The following TMEM178B variants were observed in gnomAD, a reference collection of about 807,000 sequenced individuals.
The protein encoded by TMEM178B is transmembrane protein 178B.
TMEM178B carries 5 observed loss-of-function variants against 31.0 expected under a neutral mutation model. The observed-to-expected ratio is 0.16, with a 90% CI of 0.08 to 0.34. The LOEUF is 0.34. TMEM178B is among the 10% of genes least tolerant of loss of function. The pLI is 1.00. For synonymous variants in TMEM178B, 164 were observed against 164.0 expected, an observed-to-expected ratio of 1.00 and a Z score of 0.00; for missense variants, 275 against 400.3, an observed-to-expected ratio of 0.69 and a Z score of 2.67.
At chr7:141,419,331 A>G (rs1801158684) in intron 2 of TMEM178B, among the ~76,000 whole-genome samples, 1 of 152,222 alleles carries the variant, frequency 6.6e-6, no homozygotes. Flanking sequence ...CACCAAGGAT[A>G]TCATTTTCCC....
the TMEM178B span, among the ~76,000 whole-genome samples, chr7:141,489,349 C>T: frequency 6.6e-6 from 1 of 152,128 alleles, no homozygotes; most frequent in African/African-American, 2.4e-5. Context: ...CATTTTGCCC[C>T]CCTTTGTCCC....
At position 141,465,137 on chromosome 7, in the gene TMEM178B, G is replaced by A. The variant is rs73520433; in HGVS notation, c.635-5399G>A. Among the ~76,000 whole-genome samples, 1,471 of 152,302 alleles carry A rather than the reference G, an allele frequency of 9.7e-3. 21 individuals carry two copies. Among genetic ancestry groups the A allele is most frequent in the African/African-American group, 0.033 (1,376 of 41,552 alleles). ...GCCCCAGAGGCCATGGTCTGCTCCT[G>A]CTGGGGAGAGCAGGACTTTTATCTT... On this transcript the variant is annotated intron_variant, in intron 3 of 3. Transcript: ENST00000565468.
intron 1 of TMEM178B, among the ~76,000 whole-genome samples, chr7:141,094,748 T>C (rs1230739721): frequency 6.6e-6 from 1 of 152,188 alleles, no homozygotes. Flanking sequence ...TAATTAGAAT[T>C]TAGGGTGCTT....
At chr7:141,487,021 T>C in the TMEM178B span, among the ~76,000 whole-genome samples, 1 of 151,794 alleles carries the variant, frequency 6.6e-6, no homozygotes, top group Non-Finnish European at 1.5e-5. Context: ...GGGTCAGACT[T>C]TAGGAACACA....
chr7:141,139,991 C>CT (rs1420366066), intron 1 of TMEM178B, among the ~76,000 whole-genome samples: 1 of 152,132 alleles, frequency 6.6e-6, no homozygotes, highest in African/African-American at 2.4e-5. Flanking sequence ...GTCTTGAACT[C>CT]CCGACTTCAG....
At chr7:141,454,448 C>T (rs903464064) in intron 3 of TMEM178B, among the ~76,000 whole-genome samples, 1 of 152,204 alleles carries the variant, frequency 6.6e-6, no homozygotes, top group African/African-American at 2.4e-5. Context: ...CCCTTGCTCA[C>T]GTCTCCATGT....
At chr7:141,448,848 G>A (rs1801809981) in intron 3 of TMEM178B, among the ~76,000 whole-genome samples, 1 of 152,120 alleles carries the variant, frequency 6.6e-6, no homozygotes, top group South Asian at 2.1e-4. Flanking sequence ...TCTCTGGGGT[G>A]GAAATCACTA....
chr7:141,445,353 T>C (rs1801733998), intron 3 of TMEM178B, among the ~76,000 whole-genome samples: 1 of 152,208 alleles, frequency 6.6e-6, no homozygotes, highest in African/African-American at 2.4e-5. Flanking sequence ...GCAATGGCCA[T>C]CTTGCCTGGA....
intron 1 of TMEM178B, among the ~76,000 whole-genome samples, chr7:141,185,678 A>G (rs929354984): frequency 2.6e-5 from 4 of 151,968 alleles, no homozygotes; most frequent in African/African-American, 9.7e-5. Context: ...TAGGCACAGG[A>G]TGGGGGTGTG....
chr7:141,355,882 T>C (rs1799810043), intron 2 of TMEM178B, among the ~76,000 whole-genome samples: 1 of 152,186 alleles, frequency 6.6e-6, no homozygotes, highest in Non-Finnish European at 1.5e-5. Flanking sequence ...CTCCCCACTC[T>C]AGTAGTCACA....
chr7:141,342,379 T>C (rs17162139), intron 2 of TMEM178B, among the ~76,000 whole-genome samples: 5,012 of 152,340 alleles, frequency 0.033, 168 homozygotes, highest in African/African-American at 0.084. Context: ...ATCTAAGCCA[T>C]GATAGGTGGA....
At chr7:141,104,362 A>G (rs1795105927) in intron 1 of TMEM178B, among the ~76,000 whole-genome samples, 2 of 152,178 alleles carry the variant, frequency 1.3e-5, no homozygotes, top group Non-Finnish European at 2.9e-5. Flanking sequence ...TGCCAGCAAG[A>G]GAGATGACAC....
At chr7:141,510,921 A>G in the TMEM178B span, among the ~76,000 whole-genome samples, 3 of 152,022 alleles carry the variant, frequency 2.0e-5, no homozygotes, top group East Asian at 5.8e-4. Context: ...AAGGGCATTC[A>G]ATCCATGCTT....
the TMEM178B span, among the ~76,000 whole-genome samples, chr7:141,489,975 G>A: frequency 2.6e-5 from 4 of 152,226 alleles, no homozygotes; most frequent in African/African-American, 7.2e-5. Flanking sequence ...TTGTATAGGG[G>A]TTGCTACAAG....
At chr7:141,231,323 A>AAG (rs1159975381) in intron 2 of TMEM178B, among the ~76,000 whole-genome samples, 1 of 151,786 alleles carries the variant, frequency 6.6e-6, no homozygotes, top group Admixed American at 6.6e-5. Flanking sequence ...GAAAAAAAAA[A>AAG]AACACGACAA....
At chr7:141,118,770 G>A (rs941134800) in intron 1 of TMEM178B, among the ~76,000 whole-genome samples, 8 of 152,172 alleles carry the variant, frequency 5.3e-5, no homozygotes, top group African/African-American at 1.9e-4. Flanking sequence ...GTCAGAAGAA[G>A]TTTGCCTTTG....
chr7:141,095,795 A>G (rs1275166760), intron 1 of TMEM178B, among the ~76,000 whole-genome samples: 1 of 152,204 alleles, frequency 6.6e-6, no homozygotes, highest in Non-Finnish European at 1.5e-5. Flanking sequence ...TGGCTAATAA[A>G]GAGTGGAAGC....
intron 2 of TMEM178B, among the ~76,000 whole-genome samples, chr7:141,419,200 G>A (rs181406155): frequency 5.8e-4 from 88 of 152,182 alleles, no homozygotes; most frequent in Admixed American, 3.8e-3. Flanking sequence ...GTGAGGCACC[G>A]CGGCTGGCCC....
chr7:141,475,951 A>G lies in TMEM178B; in HGVS notation c.*5165A>G, dbSNP rs1009187578. 3 of 152,210 alleles carry G rather than the reference A, an allele frequency of 2.0e-5. No homozygotes were observed. The highest frequency in any genetic ancestry group is 1.3e-4 in the Admixed American group (2 of 15,290). 9.4% of individuals were successfully genotyped at this position (152,210 alleles called of 1,614,324 possible). ...TGACTCTGGGCACTGTGTCTTCTCCATACTTGAACTTCCTCATCTACAAAA... is the reference window on the plus strand; with the variant it reads ...TGACTCTGGGCACTGTGTCTTCTCCGTACTTGAACTTCCTCATCTACAAAA... On this transcript the variant is annotated 3_prime_UTR_variant, in exon 4 of 4. Transcript: ENST00000565468.
Sources: gnomAD v4.1 joint callset for allele counts (sites outside exome capture counted in the v4.1 genomes callset) on GRCh38, gnomAD v4.1.1 for gene constraint, MANE v1.5 for transcripts, NCBI Gene and HGNC (gene_info 2026-07-23, HGNC 2026-07-21) for gene names.